Variants in NRSN2 observed in about 807,000 individuals in gnomAD.
NRSN2 encodes the protein neurensin 2.
In NRSN2, 10 loss-of-function variants were observed where a neutral mutation model predicts 11.1. That is an observed-to-expected ratio of 0.90 (90% CI 0.56 to 1.53). The LOEUF is 1.53. NRSN2 is among the 40% of genes most tolerant of loss of function. NRSN2 has a pLI of 0.00. For missense variants in NRSN2, 260 were observed against 273.7 expected (o/e 0.95, Z 0.35); for synonymous variants, 100 against 117.0 (o/e 0.86, Z 0.94).
Position 349,747 on chromosome 20 carries a change from A to T in NRSN2, c.104A>T (p.Asp35Val). Residue 35 changes from aspartate (D) to valine (V), a missense_variant, in exon 4 of 5, where the codon GAC becomes GTC. By Grantham distance (152) the Asp-to-Val change is radical. Transcript: ENST00000382285. Reference sequence around the variant, plus strand: ...TCCTACCTGCACCTCTTCTATGAGGACTGTGCAGGCACTGCTCTCAGCGAC... The same window carrying T: ...TCCTACCTGCACCTCTTCTATGAGGTCTGTGCAGGCACTGCTCTCAGCGAC... ...VRSYLHLFYE[D>V]CAGTALSDDP... 1 of 1,613,576 alleles carries T rather than the reference A, an allele frequency of 6.2e-7. No individual in the cohort carries two copies. Among genetic ancestry groups the T allele is most frequent in the Non-Finnish European group, 8.5e-7 (1 of 1,180,006 alleles).
intron 2 of NRSN2, chr20:348,247 T>G (rs1338946063): frequency 6.6e-6 from 1 of 150,890 alleles, no homozygotes; most frequent in South Asian, 2.1e-4. Context: ...GCCCGCCTCC[T>G]CCGGCGAGCC....
At chr20:349,125 C>T (rs66550923) in intron 2 of NRSN2, 124 bp from the exon 3 acceptor site, 13,711 of 152,246 alleles carry the variant, frequency 0.09, 819 homozygotes, top group African/African-American at 0.17. Context: ...GATATGGAGA[C>T]TAAAAAGTTC....
rs1366773216 is a variant in NRSN2, at chr20:347,501, G to A, written c.-133G>A. ...ATCGGTGGTCCTGTCAGGAAGAGTG[G>A]CGCGGGTGCCGGTGGGGAAGGGAGG... On this transcript the variant is annotated 5_prime_UTR_variant, in exon 2 of 5. Coordinates refer to ENST00000382285, the MANE Select transcript of NRSN2 (RefSeq NM_001323682.2). The surrounding 1 kb of genome is among the most constrained non-coding windows in gnomAD (Gnocchi z 7.0). The A allele has an allele frequency of 2.6e-5, 4 of 152,362 alleles. No individual in the cohort carries two copies. Among genetic ancestry groups the A allele is most frequent in the African/African-American group, 9.7e-5 (4 of 41,444 alleles). 9.4% of individuals were successfully genotyped at this position (152,362 alleles called of 1,614,324 possible).
chr20:349,069 AG>A (rs2013711587), intron 2 of NRSN2, among the ~76,000 whole-genome samples, 179 bp from the exon 3 acceptor site: 1 of 152,112 alleles, frequency 6.6e-6, no homozygotes, highest in Non-Finnish European at 1.5e-5. Context: ...AATTACCCCC[AG>A]GAGGGGGTCT....
At position 353,469 on chromosome 20, in the gene NRSN2, C is replaced by T. The variant is rs1278887958; in HGVS notation, c.449C>T (p.Pro150Leu). ...GWLSQDTKAEPLDPEADSHVE... is the reference protein window; with the variant it reads ...GWLSQDTKAELLDPEADSHVE... ...CTGAGCCAGGACACCAAGGCAGAGC[C>T]CTTGGACCCCGAAGCCGACAGCCAC... is the stretch of plus-strand genomic sequence containing the variant. The change falls in exon 5 of 5, where the codon CCC becomes CTC. Residue 150 changes from proline to leucine, a missense_variant. Pro to Leu is a moderately conservative substitution (Grantham distance 98). Coordinates refer to ENST00000382285, the MANE Select transcript of NRSN2 (RefSeq NM_001323682.2). The T allele has an allele frequency of 1.1e-5, 18 of 1,614,166 alleles. No homozygotes were observed. Among genetic ancestry groups the T allele is most frequent in the Non-Finnish European group, 1.5e-5 (18 of 1,180,036 alleles).
rs527597656 is a variant in NRSN2, at chr20:349,663, G to A, written c.20G>A (p.Arg7His). MMPSCNRSCSCSRGPSV... is the reference protein window; with the variant it reads MMPSCNHSCSCSRGPSV... ...GGGTCCATGATGCCGAGCTGCAATC[G>A]TTCCTGCAGCTGCAGCCGCGGCCCC... is the stretch of plus-strand genomic sequence containing the variant. Residue 7 changes from arginine (R) to histidine (H), a missense_variant, in exon 4 of 5, where the codon CGT becomes CAT. Coordinates refer to ENST00000382285, the MANE Select transcript of NRSN2 (RefSeq NM_001323682.2). 3.9e-5 allele frequency: 63 copies of A among 1,611,974 alleles called. No homozygotes were observed. The highest frequency in any genetic ancestry group is 5.3e-5 in the Non-Finnish European group (62 of 1,179,710).
In NRSN2 at chr20:347,898, G is replaced by T. The variant is rs1193625209; in HGVS notation, c.-122+386G>T. On this transcript the variant is annotated intron_variant, in intron 2 of 4. Transcript: ENST00000382285. The surrounding 1 kb of genome is among the most constrained non-coding windows in gnomAD (Gnocchi z 7.0). The stretch of plus-strand genomic sequence containing the variant: ...CCCGGGTGCCTGCGCCCCGCCCCCC[G>T]CCCGCCAGACCTACTCCGTGCAGCC... Among the ~76,000 whole-genome samples the T allele has an allele frequency of 6.6e-6, 1 of 151,292 alleles. No homozygotes were observed. Among genetic ancestry groups the T allele is most frequent in the East Asian group, 2.0e-4 (1 of 5,104 alleles).
chr20:350,844 A>G (rs2013910749), intron 4 of NRSN2, among the ~76,000 whole-genome samples: 1 of 151,994 alleles, frequency 6.6e-6, no homozygotes, highest in Non-Finnish European at 1.5e-5. Context: ...GTAGCCTGTT[A>G]GCTTCAGACT....
intron 2 of NRSN2, among the ~76,000 whole-genome samples, chr20:349,026 C>G (rs200292376): frequency 1.3e-5 from 2 of 152,174 alleles, no homozygotes; most frequent in South Asian, 2.1e-4. Context: ...AGCCTTGCAG[C>G]TTGGGAACTC....
intron 2 of NRSN2, among the ~76,000 whole-genome samples, chr20:348,846 T>C (rs887527718): frequency 6.6e-5 from 10 of 151,124 alleles, no homozygotes; most frequent in Admixed American, 2.0e-4. Context: ...CCGTGTCCAC[T>C]TTTGTGGAAA....
At chr20:350,642 G>T (rs2122544909) in intron 4 of NRSN2, among the ~76,000 whole-genome samples, 1 of 60,766 alleles carries the variant, frequency 1.6e-5, no homozygotes, top group Non-Finnish European at 2.7e-5. Context: ...ACAAGACTCT[G>T]TCTCAAAAAA....
At chr20:351,532 AAGAAAAGAAAAG>A (rs2013969850) in intron 4 of NRSN2, among the ~76,000 whole-genome samples, 1 of 152,196 alleles carries the variant, frequency 6.6e-6, no homozygotes, top group African/African-American at 2.4e-5. Flanking sequence ...AGACTCTGTC[AAGAAAAGAAAAG>A]AGAGAAGAAA....
In NRSN2 at chr20:353,553, G is replaced by C; in HGVS notation, c.533G>C (p.Ser178Thr). 1 of 1,614,200 alleles carries C rather than the reference G, an allele frequency of 6.2e-7. No individual in the cohort carries two copies. Among genetic ancestry groups the C allele is most frequent in the African/African-American group, 1.3e-5 (1 of 75,060 alleles). ...QQLSPIFRNA[S>T]GQSWFSPPAS... ...TTGTCACCCATTTTCCGCAATGCCA[G>C]TGGCCAGTCATGGTTCTCGCCACCC... is the stretch of plus-strand genomic sequence containing the variant. The change falls in exon 5 of 5, where the codon AGT (serine) becomes ACT (threonine). Residue 178 changes from serine (S) to threonine (T), a missense_variant. Transcript: ENST00000382285.
rs2014220324 is a variant in NRSN2, at chr20:354,221, G to C, written c.*586G>C. On this transcript the variant is annotated 3_prime_UTR_variant, in exon 5 of 5. Transcript: ENST00000382285. ...ATTACTAGCCCTAGTTGATAGGTGAGGTGGGTGAAGAAGGCTGGAGGTGAC... is the reference window on the plus strand; with the variant it reads ...ATTACTAGCCCTAGTTGATAGGTGACGTGGGTGAAGAAGGCTGGAGGTGAC... 1 of 152,512 alleles carries C rather than the reference G, an allele frequency of 6.6e-6. No individual in the cohort carries two copies. The highest frequency in any genetic ancestry group is 2.4e-5 in the African/African-American group (1 of 41,466). 9.4% of individuals were successfully genotyped at this position (152,512 alleles called of 1,614,324 possible).
rs199769761 is a variant in NRSN2 at position 353,331 on chromosome 20, G to A, written c.311G>A (p.Arg104Gln). ...GEGEFLVLDQ[R>Q]AADYNQALGT... ...GGTGAGTTCCTGGTGTTGGATCAGCGGGCAGCCGACTACAACCAGGCCCTG... is the reference window on the plus strand; with the variant it reads ...GGTGAGTTCCTGGTGTTGGATCAGCAGGCAGCCGACTACAACCAGGCCCTG... Residue 104 changes from arginine to glutamine, a missense_variant, in exon 5 of 5, where the codon CGG (arginine) becomes CAG (glutamine). Transcript: ENST00000382285. The A allele has an allele frequency of 1.4e-5, 23 of 1,613,996 alleles. No individual in the cohort carries two copies. Among genetic ancestry groups the A allele is most frequent in the East Asian group, 8.9e-5 (4 of 44,838 alleles).
At chr20:350,351 C>T (rs377669279) in intron 4 of NRSN2, among the ~76,000 whole-genome samples, 75 of 151,650 alleles carry the variant, frequency 4.9e-4, no homozygotes, top group African/African-American at 1.2e-3. Flanking sequence ...TGGTGGCGGG[C>T]GCCTGTAATC....
At chr20:351,538 AG>A (rs1383822661) in intron 4 of NRSN2, among the ~76,000 whole-genome samples, 1 of 152,226 alleles carries the variant, frequency 6.6e-6, no homozygotes, top group African/African-American at 2.4e-5. Flanking sequence ...TGTCAAGAAA[AG>A]AAAAGAGAGA....
Position 353,631 on chromosome 20 carries a change from C to T in NRSN2, c.611C>T (p.Ser204Phe). 6.2e-7 allele frequency: 1 copy of T among 1,613,256 alleles called. No individual in the cohort carries two copies. Residue 204 changes from serine (S) to phenylalanine (F), a missense_variant, in exon 5 of 5, where the codon TCC becomes TTC. Transcript: ENST00000382285. The part of the protein sequence containing the change: ...SVQTIQPKRD[S>F] ...CAGACTATCCAGCCCAAGAGGGACT[C>T]CTGAGCTGCCCACATGGCCTAAGAT... is the stretch of plus-strand genomic sequence containing the variant.
chr20:349,883 TGA>T, intron 4 of NRSN2, 51 bp downstream of exon 4: 1 of 1,534,232 alleles, frequency 6.5e-7, no homozygotes, highest in South Asian at 1.2e-5. Flanking sequence ...ATGGAGGAAA[TGA>T]GTCTGAATTT....
Sources: allele counts gnomAD v4.1 joint callset (sites outside exome capture counted in the v4.1 genomes callset), GRCh38; gene constraint gnomAD v4.1.1; non-coding constraint Gnocchi (gnomAD v3.1); transcripts MANE v1.5; gene names NCBI Gene and HGNC (gene_info 2026-07-23, HGNC 2026-07-21).